BCR: variants seen among roughly 807,000 people sequenced by gnomAD.
BCR encodes the protein breakpoint cluster region protein.
Under a neutral mutation model 138.6 loss-of-function variants are expected in BCR, and 58 were observed. The observed-to-expected ratio is 0.42, with a 90% CI of 0.34 to 0.52. BCR has a LOEUF of 0.52. Ranked by LOEUF, BCR falls within the 20% of genes least tolerant of loss-of-function variation. BCR has a pLI of 0.06. For missense variants in BCR, 1,599 were observed against 1,727.2 expected (o/e 0.93, Z 1.32); for synonymous variants, 786 against 730.1 (o/e 1.08, Z -1.23).
chr22:23,239,930 C>T (rs1469409881), intron 1 of BCR, among the ~76,000 whole-genome samples: 1 of 152,102 alleles, frequency 6.6e-6, no homozygotes, highest in Middle Eastern at 3.2e-3. Flanking sequence ...GTGATCCTCC[C>T]ACCTCAGCCT....
intron 1 of BCR, among the ~76,000 whole-genome samples, chr22:23,243,906 T>C (rs2073126742): frequency 6.6e-6 from 1 of 152,078 alleles, no homozygotes; most frequent in African/African-American, 2.4e-5. Flanking sequence ...CTCCCAAAGT[T>C]GCTGGGATTA....
chr22:23,289,549 C>G lies in BCR; in HGVS notation c.2635C>G (p.Leu879Val). The G allele has an allele frequency of 6.2e-7, 1 of 1,614,244 alleles. No homozygotes were observed. The highest frequency in any genetic ancestry group is 8.5e-7 in the Non-Finnish European group (1 of 1,180,024). The change falls in exon 13 of 23, where the codon CTG becomes GTG. Residue 879 changes from leucine (L) to valine (V), a missense_variant. By Grantham distance (32) the Leu-to-Val change is conservative. Transcript: ENST00000305877. ...FRSFSLTSVE[L>V]QMLTNSCVKL... ...AAGCTTCTCCCTGACATCCGTGGAGCTGCAGATGCTGACCAACTCGTGTGT... is the reference window on the plus strand; with the variant it reads ...AAGCTTCTCCCTGACATCCGTGGAGGTGCAGATGCTGACCAACTCGTGTGT...
At chr22:23,289,189 A>G (rs997081261) in intron 12 of BCR, among the ~76,000 whole-genome samples, 2 of 152,222 alleles carry the variant, frequency 1.3e-5, no homozygotes, top group African/African-American at 4.8e-5. Flanking sequence ...TGCTGTCTGT[A>G]TGGGGAGACC....
At chr22:23,184,635 C>G (rs1302425736) in intron 1 of BCR, among the ~76,000 whole-genome samples, 1 of 152,134 alleles carries the variant, frequency 6.6e-6, no homozygotes, top group East Asian at 1.9e-4. Flanking sequence ...GCATTGGTGC[C>G]TCATTATTAC....
chr22:23,311,484 C>G (rs568376669), intron 18 of BCR, among the ~76,000 whole-genome samples: 1 of 152,068 alleles, frequency 6.6e-6, no homozygotes, highest in Admixed American at 6.6e-5. Flanking sequence ...GGGGTTCTGG[C>G]CGCTTGAAAG....
Position 23,312,874 on chromosome 22 carries a change from GT to G in BCR, c.3323-12del, listed in dbSNP as rs747296999. On this transcript the variant is annotated splice_polypyrimidine_tract_variant and intron_variant, in intron 19 of 22. Transcript: ENST00000305877. ...TCCTCAAGGAGGCCGCTGCATTTCC[GT>G]GCTCTTTCCAGATAACAAGGACGTG... The G allele has an allele frequency of 6.3e-7, 1 of 1,596,090 alleles. No homozygotes were observed. The highest frequency in any genetic ancestry group is 1.3e-5 in the African/African-American group (1 of 74,948).
intron 1 of BCR, among the ~76,000 whole-genome samples, chr22:23,251,725 C>CT (rs1469287617): frequency 6.6e-6 from 1 of 152,198 alleles, no homozygotes; most frequent in Non-Finnish European, 1.5e-5. Context: ...TGCTGGTAAC[C>CT]TTTGGGCAGG....
Position 23,181,710 on chromosome 22 carries a change from G to A in BCR, c.750G>A (p.Glu250=), listed in dbSNP as rs955945495. Residue 250 remains glutamate, a synonymous_variant, in exon 1 of 23, where the codon GAG becomes GAA. Coordinates refer to ENST00000305877, the MANE Select transcript of BCR (RefSeq NM_004327.4). ...CGVDGDYEDA[E]LNPRFLKDNL... ...TCGACGGCGACTACGAGGACGCCGA[G>A]TTGAACCCCCGCTTCCTGAAGGACA... is the stretch of plus-strand genomic sequence containing the variant. 2 of 1,604,224 alleles carry A rather than the reference G, an allele frequency of 1.2e-6. No individual in the cohort carries two copies. Among genetic ancestry groups the A allele is most frequent in the Non-Finnish European group, 1.7e-6 (2 of 1,179,952 alleles).
At chr22:23,298,995 A>G (rs1214861387) in intron 16 of BCR, among the ~76,000 whole-genome samples, 2 of 151,394 alleles carry the variant, frequency 1.3e-5, no homozygotes, top group Non-Finnish European at 2.9e-5. Flanking sequence ...GCCCCTCTCC[A>G]AGGCTGTTTT....
chr22:23,203,060 G>A (rs192709399), intron 1 of BCR, among the ~76,000 whole-genome samples: 66 of 152,154 alleles, frequency 4.3e-4, no homozygotes, highest in African/African-American at 1.4e-3. Flanking sequence ...GGGTCTTGCT[G>A]TGTTGCCCAG....
At chr22:23,205,612 C>T (rs2072603800) in intron 1 of BCR, among the ~76,000 whole-genome samples, 1 of 151,570 alleles carries the variant, frequency 6.6e-6, no homozygotes, top group Non-Finnish European at 1.5e-5. Context: ...ATCAGAAGCT[C>T]AGGCAGCAGA....
intron 8 of BCR, among the ~76,000 whole-genome samples, chr22:23,276,929 C>T (rs2073584697): frequency 6.6e-6 from 1 of 152,228 alleles, no homozygotes; most frequent in African/African-American, 2.4e-5. Flanking sequence ...GGGTCCGTGG[C>T]CCCTCCACTG....
intron 1 of BCR, among the ~76,000 whole-genome samples, chr22:23,247,437 C>T (rs1418859575): frequency 6.6e-6 from 1 of 152,190 alleles, no homozygotes; most frequent in East Asian, 1.9e-4. Flanking sequence ...CCTTTCTTCT[C>T]TTGACTCCAG....
chr22:23,188,112 C>G (rs6003547), intron 1 of BCR, among the ~76,000 whole-genome samples: 7 of 152,256 alleles, frequency 4.6e-5, no homozygotes, highest in African/African-American at 1.7e-4. Flanking sequence ...GCCAGAGCCT[C>G]GTGGCCACCT....
At chr22:23,301,405 C>T (rs2073900539) in intron 16 of BCR, among the ~76,000 whole-genome samples, 1 of 152,256 alleles carries the variant, frequency 6.6e-6, no homozygotes, top group African/African-American at 2.4e-5. Context: ...CCAGGATGTG[C>T]AGGAGCACTG....
intron 1 of BCR, among the ~76,000 whole-genome samples, chr22:23,189,504 C>A (rs568644486): frequency 6.6e-6 from 1 of 151,862 alleles, no homozygotes; most frequent in South Asian, 2.1e-4. Context: ...TTTTTTCTTT[C>A]TTTCTTTTCT....
intron 1 of BCR, among the ~76,000 whole-genome samples, chr22:23,240,182 C>T (rs984999176): frequency 6.6e-6 from 1 of 152,036 alleles, no homozygotes; most frequent in African/African-American, 2.4e-5. Context: ...TTGGTAAAGA[C>T]CCTATTTTCA....
intron 16 of BCR, among the ~76,000 whole-genome samples, chr22:23,297,221 G>GTT (rs796682596): frequency 6.1e-5 from 7 of 114,908 alleles, no homozygotes; most frequent in Non-Finnish European, 8.6e-5. Flanking sequence ...TTTGTTTTTT[G>GTT]TTTTTTTTTT....
At chr22:23,288,341 C>T (rs1198151277) in intron 12 of BCR, among the ~76,000 whole-genome samples, 169 bp downstream of exon 12, 1 of 151,996 alleles carries the variant, frequency 6.6e-6, no homozygotes, top group Non-Finnish European at 1.5e-5. Context: ...CCCGATAGGC[C>T]CCCAGCCCTC....
Sources: gnomAD v4.1 joint callset for allele counts (sites outside exome capture counted in the v4.1 genomes callset) on GRCh38, gnomAD v4.1.1 for gene constraint, MANE v1.5 for transcripts, NCBI Gene and HGNC (gene_info 2026-07-23, HGNC 2026-07-21) for gene names.